Variants in CEP41 observed in about 807,000 individuals in gnomAD.
CEP41 encodes the protein centrosomal protein 41, also known as centrosomal protein of 41 kDa.
CEP41 carries 32 observed loss-of-function variants against 44.3 expected under a neutral mutation model. The observed-to-expected ratio is 0.72, with a 90% CI of 0.54 to 0.97. The LOEUF (loss-of-function observed/expected upper bound fraction) is 0.97. Ranked by LOEUF, CEP41 falls within the 50% of genes least tolerant of loss-of-function variation. The pLI, the probability that CEP41 is intolerant of heterozygous loss-of-function variation, is 0.00. For missense variants in CEP41, 432 were observed against 455.2 expected (o/e 0.95, Z 0.46); for synonymous variants, 151 against 168.5 (o/e 0.90, Z 0.80).
intron 2 of CEP41, chr7:130,426,860 A>C: frequency 7.7e-6 from 2 of 260,342 alleles, no homozygotes; most frequent in South Asian, 7.3e-5. Flanking sequence ...CTCCGAATAA[A>C]TCACAAAATC....
intron 1 of CEP41, among the ~76,000 whole-genome samples, chr7:130,439,574 T>C (rs1554427013): frequency 6.6e-6 from 1 of 152,188 alleles, no homozygotes; most frequent in Non-Finnish European, 1.5e-5. Flanking sequence ...TTTTATTCTC[T>C]ACTTCTATGA....
At chr7:130,402,064 C>T in intron 7 of CEP41, 116 bp from the exon 8 acceptor site, 1 of 749,534 alleles carries the variant, frequency 1.3e-6, no homozygotes, top group Non-Finnish European at 2.4e-6. Flanking sequence ...CCATGAGCTG[C>T]TGGGCATGGT....
rs1395544920 is a variant in CEP41 at position 130,400,771 on chromosome 7, C to T, written c.693G>A (p.Leu231=). 5 of 1,613,722 alleles carry T rather than the reference C, an allele frequency of 3.1e-6. No individual in the cohort carries two copies. Among genetic ancestry groups the T allele is most frequent in the Non-Finnish European group, 4.2e-6 (5 of 1,179,936 alleles). The change falls in exon 9 of 11, where the codon CTG becomes CTA. Residue 231 remains leucine (L), a synonymous_variant. Coordinates refer to ENST00000223208, the MANE Select transcript of CEP41 (RefSeq NM_018718.3). ...IIILYDDDER[L]ASQAATTMCE... Reference sequence around the variant, plus strand: ...ACATGGTGGTGGCCGCCTGACTGGCCAGCCTTTCATCATCGTCATACAGAA... The same window carrying T: ...ACATGGTGGTGGCCGCCTGACTGGCTAGCCTTTCATCATCGTCATACAGAA...
chr7:130,407,684 A>G (rs1186023615), intron 5 of CEP41, among the ~76,000 whole-genome samples: 1 of 152,218 alleles, frequency 6.6e-6, no homozygotes, highest in Non-Finnish European at 1.5e-5. Flanking sequence ...TCATATATCA[A>G]AATACATAAC....
At chr7:130,424,526 G>C (rs1038202959) in intron 2 of CEP41, among the ~76,000 whole-genome samples, 1 of 152,138 alleles carries the variant, frequency 6.6e-6, no homozygotes, top group African/African-American at 2.4e-5. Context: ...TGGATCATGG[G>C]ATCAGAATAG....
At chr7:130,401,264 T>C (rs148415958) in intron 8 of CEP41, 1 of 191,990 alleles carries the variant, frequency 5.2e-6, no homozygotes, top group African/African-American at 2.4e-5. Flanking sequence ...TCTGAAGATA[T>C]TACACAGCAT....
At chr7:130,399,362 G>A in intron 10 of CEP41, 1 of 381,086 alleles carries the variant, frequency 2.6e-6, no homozygotes, top group Admixed American at 4.0e-5. Flanking sequence ...GGAAAGAAAA[G>A]AGAAAGCAGT....
rs532046302 is a variant in CEP41, at chr7:130,406,527, T to C, written c.278-1819A>G. ...TGAACCTGGGAGGTGGAGGTTGCAG[T>C]GAGCTGAGATCGTGCCACTGCACTG... is the stretch of plus-strand genomic sequence containing the variant. On this transcript the variant is annotated intron_variant, in intron 5 of 10. Coordinates refer to ENST00000223208, the MANE Select transcript of CEP41 (RefSeq NM_018718.3). 2.1e-3 allele frequency among the ~76,000 whole-genome samples: 318 copies of C among 152,234 alleles called. 1 individual carries two copies. The highest frequency in any genetic ancestry group is 7.1e-3 in the African/African-American group (297 of 41,540).
At chr7:130,432,122 G>C in intron 1 of CEP41, among the ~76,000 whole-genome samples, 1 of 152,066 alleles carries the variant, frequency 6.6e-6, no homozygotes, top group East Asian at 1.9e-4. Context: ...TTTGAAGGAG[G>C]AGTGACAAGA....
Position 130,398,255 on chromosome 7 carries a change from G to A in CEP41, c.*636C>T. The A allele has an allele frequency of 2.2e-6, 1 of 454,152 alleles. No individual in the cohort carries two copies. The highest frequency in any genetic ancestry group is 4.4e-6 in the Non-Finnish European group (1 of 226,802). The allele number at this position is 454,152 out of a possible 1,614,324, so 28.1% of individuals were successfully genotyped here. A position where few individuals can be genotyped will look rare whatever the true frequency, so the allele number is the denominator to read the frequency against. On this transcript the variant is annotated 3_prime_UTR_variant, in exon 11 of 11. Coordinates refer to ENST00000223208, the MANE Select transcript of CEP41 (RefSeq NM_018718.3). ...TATCTAGTAAGGGGGAGCATTCAGT[G>A]AGTGTACAGCTACTTTCCTCATCTT...
At chr7:130,413,884 A>C (rs1797259108) in intron 3 of CEP41, among the ~76,000 whole-genome samples, 1 of 152,186 alleles carries the variant, frequency 6.6e-6, no homozygotes, top group Non-Finnish European at 1.5e-5. Context: ...ATTGGTACCC[A>C]TGACTCTTTA....
chr7:130,410,957 TA>T, intron 5 of CEP41, 164 bp downstream of exon 5: 1 of 709,490 alleles, frequency 1.4e-6, no homozygotes, highest in Non-Finnish European at 2.5e-6. Context: ...AAATAAGAAT[TA>T]ACAACTAAAG....
rs1584915809 is a variant in CEP41 at position 130,440,636 on chromosome 7, A to G, written c.33+298T>C. The G allele has an allele frequency of 7.0e-6, 4 of 573,080 alleles. No homozygotes were observed. In the Admixed American group the frequency reaches 1.2e-4, roughly 17 times the overall value. The allele number at this position is 573,080 out of a possible 1,614,324, so 35.5% of individuals were successfully genotyped here. On this transcript the variant is annotated intron_variant, in intron 1 of 10. Coordinates refer to ENST00000223208, the MANE Select transcript of CEP41 (RefSeq NM_018718.3). The stretch of plus-strand genomic sequence containing the variant: ...TTGTCTTTTCTGTTTTGTAACTGTC[A>G]CTCCGAGACTGTAAGCCATTTGAGG...
At chr7:130,409,176 T>C (rs1372258427) in intron 5 of CEP41, among the ~76,000 whole-genome samples, 1 of 152,212 alleles carries the variant, frequency 6.6e-6, no homozygotes, top group Admixed American at 6.5e-5. Context: ...AGATAGCCAA[T>C]ATGCATACAG....
intron 3 of CEP41, among the ~76,000 whole-genome samples, chr7:130,413,116 C>T (rs1465296748): frequency 6.6e-6 from 1 of 152,076 alleles, no homozygotes; most frequent in Non-Finnish European, 1.5e-5. Flanking sequence ...TTCAGCCTCC[C>T]GAGTAGCTGG....
At chr7:130,441,027 T>C, upstream of CEP41, 13 of 1,569,696 alleles carry the variant, frequency 8.3e-6, no homozygotes, top group Non-Finnish European at 1.1e-5. Flanking sequence ...AACCCTAGCT[T>C]CCTACCCCCA....
intron 1 of CEP41, among the ~76,000 whole-genome samples, chr7:130,436,955 C>CTAT (rs1562999608): frequency 6.6e-6 from 1 of 152,134 alleles, no homozygotes; most frequent in Non-Finnish European, 1.5e-5. Context: ...AGGAGAATCG[C>CTAT]TTGAACCTGG....
At chr7:130,427,933 T>A (rs782174810) in intron 2 of CEP41, 22 bp downstream of exon 2, 1 of 1,538,780 alleles carries the variant, frequency 6.5e-7, no homozygotes, top group African/African-American at 1.4e-5. Context: ...TTTTTAATTC[T>A]AATTTTCTAA....
At chr7:130,435,699 A>G (rs1554426010) in intron 1 of CEP41, among the ~76,000 whole-genome samples, 2 of 152,204 alleles carry the variant, frequency 1.3e-5, no homozygotes, top group Non-Finnish European at 2.9e-5. Flanking sequence ...AAAACTAAAC[A>G]TATGTTTACC....
Sources: allele counts gnomAD v4.1 joint callset (sites outside exome capture counted in the v4.1 genomes callset), GRCh38; gene constraint gnomAD v4.1.1; transcripts MANE v1.5; gene names NCBI Gene and HGNC (gene_info 2026-07-23, HGNC 2026-07-21).